The following RTL4 variants were observed in gnomAD, a reference collection of about 807,000 sequenced individuals.
RTL4 encodes the protein retrotransposon Gag-like protein 4.
In RTL4, 4 loss-of-function variants were observed where a neutral mutation model predicts 5.3. The observed-to-expected ratio is 0.75, with a 90% confidence interval of 0.37 to 1.72. RTL4 has a LOEUF of 1.72. Ranked by LOEUF, RTL4 falls within the 40% of genes most tolerant of loss-of-function variation. RTL4 has a pLI of 0.04. For synonymous variants in RTL4, 98 were observed against 87.3 expected, an observed-to-expected ratio of 1.12 and a Z score of -0.68; for missense variants, 260 against 227.1, an observed-to-expected ratio of 1.14 and a Z score of -0.93.
chrX:112,420,927 C>T, the RTL4 span, among the ~76,000 whole-genome samples: 3 of 111,354 alleles, frequency 2.7e-5, no homozygotes, highest in South Asian at 7.6e-4. Flanking sequence ...TTTTTTCTGC[C>T]GGGTAAAAAC....
chrX:112,202,717 T>C, the RTL4 span, among the ~76,000 whole-genome samples: 1 of 109,701 alleles, frequency 9.1e-6, no homozygotes, highest in African/African-American at 3.3e-5. Flanking sequence ...CATGCCATCA[T>C]GCCTGGCTAA....
chrX:112,158,912 G>A, the RTL4 span, among the ~76,000 whole-genome samples: 8 of 111,545 alleles, frequency 7.2e-5, no homozygotes, highest in African/African-American at 2.6e-4. Context: ...CTTTCGAAAG[G>A]TTTACAGAGA....
the RTL4 span, among the ~76,000 whole-genome samples, chrX:112,381,174 G>T: frequency 9.0e-6 from 1 of 110,928 alleles, no homozygotes; most frequent in Non-Finnish European, 1.9e-5. Context: ...TGCAGACGCA[G>T]GTTCCTGATG....
At chrX:112,422,618 C>T in the RTL4 span, among the ~76,000 whole-genome samples, 11 of 111,107 alleles carry the variant, frequency 9.9e-5, no homozygotes, top group African/African-American at 3.3e-4. Context: ...CATGAGGCAC[C>T]TTAAAGAGGG....
At chrX:112,387,631 T>C in the RTL4 span, among the ~76,000 whole-genome samples, 1 of 112,069 alleles carries the variant, frequency 8.9e-6, no homozygotes, top group Non-Finnish European at 1.9e-5. Flanking sequence ...CTTTTACATA[T>C]GACTAGCCAG....
the RTL4 span, among the ~76,000 whole-genome samples, chrX:112,426,888 T>G: frequency 9.0e-6 from 1 of 110,614 alleles, no homozygotes; most frequent in Non-Finnish European, 1.9e-5. Context: ...CAAAACAAAA[T>G]GAAATGAAAT....
At chrX:112,162,913 T>G in the RTL4 span, among the ~76,000 whole-genome samples, 1 of 111,886 alleles carries the variant, frequency 8.9e-6, no homozygotes, top group Non-Finnish European at 1.9e-5. Flanking sequence ...GGAGATGAAT[T>G]TATTTAGCGG....
chrX:112,326,592 A>T, the RTL4 span, among the ~76,000 whole-genome samples: 18 of 111,662 alleles, frequency 1.6e-4, no homozygotes, highest in Admixed American at 1.7e-3. Flanking sequence ...GGCGCCCACC[A>T]TTGCCCAGGC....
the RTL4 span, among the ~76,000 whole-genome samples, chrX:112,383,794 G>T: frequency 9.0e-6 from 1 of 110,961 alleles, no homozygotes; most frequent in African/African-American, 3.3e-5. Context: ...TTAAACATTG[G>T]GTACACATGG....
chrX:112,239,349 T>C, the RTL4 span, among the ~76,000 whole-genome samples: 1 of 110,745 alleles, frequency 9.0e-6, no homozygotes, highest in Non-Finnish European at 1.9e-5. Flanking sequence ...AGGAACAAGA[T>C]GGAGCTAGCA....
At chrX:112,304,917 G>T in the RTL4 span, among the ~76,000 whole-genome samples, 1 of 108,964 alleles carries the variant, frequency 9.2e-6, no homozygotes, top group Non-Finnish European at 1.9e-5. Flanking sequence ...GTTACTAAGA[G>T]ACCCGACCAT....
At chrX:112,362,563 A>G in the RTL4 span, among the ~76,000 whole-genome samples, 1,655 of 111,233 alleles carry the variant, frequency 0.015, 34 homozygotes, top group African/African-American at 0.051. Flanking sequence ...GAATAAGCTT[A>G]TGGTGTTTGA....
chrX:112,197,546 T>C, the RTL4 span, among the ~76,000 whole-genome samples: 114 of 111,813 alleles, frequency 1.0e-3, no homozygotes, highest in African/African-American at 3.6e-3. Flanking sequence ...TGGAGTAGTA[T>C]TGTATAAAAG....
At chrX:112,428,762 A>G in the RTL4 span, among the ~76,000 whole-genome samples, 2 of 111,751 alleles carry the variant, frequency 1.8e-5, no homozygotes, top group Non-Finnish European at 3.8e-5. Flanking sequence ...TAAAGTCTCC[A>G]ACTATAACAG....
the RTL4 span, among the ~76,000 whole-genome samples, chrX:112,196,900 C>T: frequency 9.0e-6 from 1 of 110,630 alleles, no homozygotes; most frequent in Non-Finnish European, 1.9e-5. Context: ...TTAGTCTTCA[C>T]ATCCTCACCA....
At chrX:112,263,844 TA>T in the RTL4 span, among the ~76,000 whole-genome samples, 2 of 111,963 alleles carry the variant, frequency 1.8e-5, no homozygotes, top group Non-Finnish European at 3.8e-5. Context: ...AATCAGTACA[TA>T]ATGTATATGT....
the RTL4 span, among the ~76,000 whole-genome samples, chrX:112,310,723 T>C: frequency 1.3e-5 from 1 of 76,178 alleles, no homozygotes; most frequent in East Asian, 3.8e-4. Flanking sequence ...TTCAATATTA[T>C]ATATTATATA....
the RTL4 span, among the ~76,000 whole-genome samples, chrX:112,268,836 C>T: frequency 8.9e-6 from 1 of 111,881 alleles, no homozygotes; most frequent in African/African-American, 3.2e-5. Flanking sequence ...AAAAAGAGCT[C>T]ATTATCTTTT....
chrX:112,315,122 GAA>G, the RTL4 span, among the ~76,000 whole-genome samples: 1 of 111,768 alleles, frequency 8.9e-6, no homozygotes, highest in Non-Finnish European at 1.9e-5. Context: ...TTATATTGCT[GAA>G]GAGAGAAAGC....
Sources: gnomAD v4.1 joint callset for allele counts (sites outside exome capture counted in the v4.1 genomes callset) on GRCh38, gnomAD v4.1.1 for gene constraint, MANE v1.5 for transcripts, NCBI Gene and HGNC (gene_info 2026-07-23, HGNC 2026-07-21) for gene names.